The following PTPRR variants were observed in gnomAD, a reference collection of about 807,000 sequenced individuals.
The protein encoded by PTPRR is receptor-type tyrosine-protein phosphatase R.
In PTPRR, 38 loss-of-function variants were observed where a neutral mutation model predicts 77.2. The ratio of observed to expected loss-of-function variants is 0.49; its 90% CI spans 0.38 to 0.65. PTPRR has a LOEUF of 0.65. Ranked by LOEUF, PTPRR falls within the 30% of genes least tolerant of loss-of-function variation. The pLI, the probability that PTPRR is intolerant of heterozygous loss-of-function variation, is 0.00. For synonymous variants in PTPRR, 299 were observed against 283.1 expected (o/e 1.06, Z -0.57); for missense variants, 744 against 799.2 (o/e 0.93, Z 0.83).
At chr12:70,786,757 A>T (rs11178419) in intron 2 of PTPRR, among the ~76,000 whole-genome samples, 23,057 of 152,228 alleles carry the variant, frequency 0.15, 2,286 homozygotes, top group African/African-American at 0.27. Context: ...TTTCTGGTGA[A>T]CTATACAATT....
intron 13 of PTPRR, among the ~76,000 whole-genome samples, chr12:70,648,670 G>A (rs974474806): frequency 4.6e-5 from 7 of 152,084 alleles, no homozygotes; most frequent in Admixed American, 1.3e-4. Context: ...GCAGAGCCAC[G>A]CACCAAGCTC....
At chr12:70,846,168 G>A (rs966792184) in intron 2 of PTPRR, among the ~76,000 whole-genome samples, 2 of 152,156 alleles carry the variant, frequency 1.3e-5, no homozygotes, top group Non-Finnish European at 2.9e-5. Context: ...GAAGGATAGT[G>A]TTATGGTTAA....
intron 2 of PTPRR, among the ~76,000 whole-genome samples, chr12:70,888,279 C>A (rs1893276148): frequency 6.6e-6 from 1 of 152,152 alleles, no homozygotes; most frequent in Non-Finnish European, 1.5e-5. Flanking sequence ...AAATAATTTA[C>A]TTATCACTAT....
intron 2 of PTPRR, among the ~76,000 whole-genome samples, chr12:70,881,392 T>C (rs1400537833): frequency 1.3e-5 from 2 of 152,210 alleles, no homozygotes; most frequent in East Asian, 3.8e-4. Flanking sequence ...TTTTATCACC[T>C]GGCTATCATT....
intron 6 of PTPRR, among the ~76,000 whole-genome samples, chr12:70,713,597 A>G (rs1452371524): frequency 6.9e-6 from 1 of 144,876 alleles, no homozygotes; most frequent in East Asian, 2.0e-4. Flanking sequence ...CCATCCTAGT[A>G]GGTGTGAAGT....
At chr12:70,853,294 T>A (rs986070404) in intron 2 of PTPRR, among the ~76,000 whole-genome samples, 2 of 152,234 alleles carry the variant, frequency 1.3e-5, no homozygotes, top group East Asian at 3.8e-4. Flanking sequence ...AATCTGTTCA[T>A]GTCATCACAT....
intron 1 of PTPRR, 69 bp from the exon 2 acceptor site, chr12:70,893,046 G>T: frequency 6.7e-7 from 1 of 1,491,388 alleles, no homozygotes; most frequent in Non-Finnish European, 9.1e-7. Flanking sequence ...TATATCTGAT[G>T]AAGAGGATTA....
rs769748424 is a variant in PTPRR, at chr12:70,892,702, G to C, written c.334C>G (p.Pro112Ala). The C allele has an allele frequency of 6.8e-6, 11 of 1,612,966 alleles. No homozygotes were observed. The South Asian group carries it at 1.1e-4, about 16-fold the overall frequency. Residue 112 changes from proline (P) to alanine (A), a missense_variant, in exon 2 of 14, where the codon CCA (proline) becomes GCA (alanine). Physicochemically the swap from Pro to Ala is conservative, Grantham distance 27. Around this residue, in one of 3 missense-constraint regions of PTPRR, gnomAD observed 570 missense variants for 573.2 expected, o/e 0.99. Transcript: ENST00000283228. Reference protein sequence around the residue: ...QDLEVENLPIPAANVIVVTLQ... With the variant: ...QDLEVENLPIAAANVIVVTLQ... ...ACCACCACAATTACATTTGCTGCTGGGATTGGGAGATTTTCCACTTCAAGA... is the reference window on the plus strand; with the variant it reads ...ACCACCACAATTACATTTGCTGCTGCGATTGGGAGATTTTCCACTTCAAGA...
At chr12:70,687,515 A>G (rs138330783) in intron 8 of PTPRR, among the ~76,000 whole-genome samples, 50 of 152,162 alleles carry the variant, frequency 3.3e-4, no homozygotes, top group African/African-American at 1.2e-3. Flanking sequence ...TGATCATGCC[A>G]TATGGAAGCA....
chr12:70,899,641 C>A (rs1893497210), intron 1 of PTPRR, among the ~76,000 whole-genome samples: 1 of 151,436 alleles, frequency 6.6e-6, no homozygotes, highest in Non-Finnish European at 1.5e-5. Flanking sequence ...ACTGAATCTT[C>A]CCCTTCTAAG....
At chr12:70,743,938 G>A (rs1890131371) in intron 6 of PTPRR, among the ~76,000 whole-genome samples, 1 of 152,124 alleles carries the variant, frequency 6.6e-6, no homozygotes, top group Non-Finnish European at 1.5e-5. Context: ...AGTGCATGAT[G>A]ATAATAAAAA....
intron 13 of PTPRR, 104 bp from the exon 14 acceptor site, chr12:70,639,381 G>T: frequency 7.0e-7 from 1 of 1,433,940 alleles, no homozygotes; most frequent in Non-Finnish European, 9.4e-7. Context: ...AAGACACATA[G>T]AACAGTCGAC....
chr12:70,902,765 T>C (rs1007451605), intron 1 of PTPRR, among the ~76,000 whole-genome samples: 12 of 151,510 alleles, frequency 7.9e-5, no homozygotes, highest in African/African-American at 2.7e-4. Flanking sequence ...GGGATAAAAG[T>C]CTAACAAATA....
intron 5 of PTPRR, among the ~76,000 whole-genome samples, chr12:70,751,647 C>T (rs1890402146): frequency 6.6e-6 from 1 of 152,116 alleles, no homozygotes; most frequent in Non-Finnish European, 1.5e-5. Flanking sequence ...ATTATGGTTT[C>T]TTCTTCATAG....
At chr12:70,795,112 A>T (rs141163995) in intron 2 of PTPRR, among the ~76,000 whole-genome samples, 3,892 of 152,158 alleles carry the variant, frequency 0.026, 78 homozygotes, top group Non-Finnish European at 0.038. Context: ...ATATTTTTTT[A>T]AAATCCTTTT....
rs146949534 is a variant in PTPRR at position 70,835,983 on chromosome 12, T to G, written c.357+56696A>C. Among the ~76,000 whole-genome samples the G allele has an allele frequency of 3.3e-5, 5 of 152,238 alleles. No individual in the cohort carries two copies. In the East Asian group the frequency reaches 9.6e-4, roughly 29 times the overall value. Reference sequence around the variant, plus strand: ...TCTGTTAACAAGCTCTCCCTCATACTTGTCCCCTTTTTCCCCTTTCCACTA... The same window carrying G: ...TCTGTTAACAAGCTCTCCCTCATACGTGTCCCCTTTTTCCCCTTTCCACTA... On this transcript the variant is annotated intron_variant, in intron 2 of 13. Coordinates refer to ENST00000283228, the MANE Select transcript of PTPRR (RefSeq NM_002849.4).
chr12:70,733,479 A>AAAAAAAAAAAAAAAAAAAAAAAAATTT (rs1889753835), intron 6 of PTPRR, among the ~76,000 whole-genome samples: 1 of 89,416 alleles, frequency 1.1e-5, no homozygotes, highest in Non-Finnish European at 2.1e-5. Flanking sequence ...GCAAAAAAAA[A>AAAAAAAAAAAAAAAAAAAAAAAAATTT]AAGAAAAAAA....
At chr12:70,815,868 A>G (rs1382824023) in intron 2 of PTPRR, among the ~76,000 whole-genome samples, 2 of 152,182 alleles carry the variant, frequency 1.3e-5, no homozygotes, top group Non-Finnish European at 2.9e-5. Flanking sequence ...CTGATAATCT[A>G]GTTAACTTCC....
chr12:70,808,785 T>C (rs1357574206), intron 2 of PTPRR, among the ~76,000 whole-genome samples: 3 of 152,180 alleles, frequency 2.0e-5, no homozygotes, highest in Non-Finnish European at 4.4e-5. Flanking sequence ...AGACATGCCG[T>C]GCCATTTTTA....
Sources: allele counts gnomAD v4.1 joint callset (sites outside exome capture counted in the v4.1 genomes callset), GRCh38; gene constraint gnomAD v4.1.1; regional missense constraint gnomAD v4.1.1; transcripts MANE v1.5; gene names NCBI Gene and HGNC (gene_info 2026-07-23, HGNC 2026-07-21).